Variants in TCF4 observed in about 807,000 individuals in gnomAD.
TCF4 encodes SL3-3 enhancer factor 2.
TCF4 carries 3 observed loss-of-function variants against 82.1 expected under a neutral mutation model. The observed-to-expected ratio is 0.04, with a 90% CI of 0.02 to 0.09. The LOEUF (loss-of-function observed/expected upper bound fraction) is 0.09, where lower values mean the gene tolerates loss of function less well. Ranked by LOEUF, TCF4 falls within the 10% of genes least tolerant of loss-of-function variation. TCF4 has a pLI of 1.00. For missense variants in TCF4, 518 were observed against 852.7 expected, an observed-to-expected ratio of 0.61 and a Z score of 4.89; for synonymous variants, 276 against 309.6, an observed-to-expected ratio of 0.89 and a Z score of 1.14.
In TCF4 at chr18:55,379,959, G is replaced by C. The variant is rs143044531; in HGVS notation, c.369+23495C>G. Among the ~76,000 whole-genome samples, 23 of 152,160 alleles carry C rather than the reference G, an allele frequency of 1.5e-4. 1 individual carries two copies. In the South Asian group the frequency reaches 4.8e-3, roughly 32 times the overall value. ...CATGATCATGGCTCACTGCAGCCTC[G>C]ACTTTCCGGGCTCAGCTGATCCTCT... On this transcript the variant is annotated intron_variant, in intron 6 of 19. Transcript: ENST00000354452.
At chr18:55,277,078 T>C (rs2061609559) in intron 9 of TCF4, among the ~76,000 whole-genome samples, 1 of 152,190 alleles carries the variant, frequency 6.6e-6, no homozygotes, top group Admixed American at 6.5e-5. Context: ...AGACAGTTTC[T>C]GAACATCTTT....
intron 3 of TCF4, among the ~76,000 whole-genome samples, chr18:55,546,180 A>AT: frequency 6.6e-6 from 1 of 152,168 alleles, no homozygotes; most frequent in East Asian, 1.9e-4. Context: ...CACAAAAAAA[A>AT]TTTTTTAAAT....
At chr18:55,445,748 G>T (rs1004684018) in intron 5 of TCF4, among the ~76,000 whole-genome samples, 4 of 152,120 alleles carry the variant, frequency 2.6e-5, no homozygotes, top group African/African-American at 9.7e-5. Context: ...TTCCTATTAC[G>T]TCTTCCAGCT....
chr18:55,572,473 T>C (rs763808038), intron 3 of TCF4, among the ~76,000 whole-genome samples: 1 of 152,104 alleles, frequency 6.6e-6, no homozygotes, highest in South Asian at 2.1e-4. Flanking sequence ...CCAAATGGAA[T>C]GTTAGCCAGG....
chr18:55,236,069 ATG>A (rs3040521), intron 15 of TCF4, among the ~76,000 whole-genome samples: 75,362 of 150,892 alleles, frequency 0.5, 19,019 homozygotes, highest in East Asian at 0.67. Context: ...TCATGTGTGC[ATG>A]TGTGTGTGTG....
At chr18:55,230,404 T>C (rs945886621) in intron 17 of TCF4, 2 of 152,186 alleles carry the variant, frequency 1.3e-5, no homozygotes, top group African/African-American at 2.4e-5. Context: ...AGGGCTGTCA[T>C]GTAAAAAAGA....
intron 6 of TCF4, among the ~76,000 whole-genome samples, chr18:55,399,836 T>G (rs1466707699): frequency 6.7e-6 from 1 of 149,780 alleles, no homozygotes; most frequent in Non-Finnish European, 1.5e-5. Context: ...TCTTTCTCTC[T>G]CTCTCTCTCT....
At chr18:55,332,140 T>C (rs1210782680) in intron 8 of TCF4, 1 of 152,198 alleles carries the variant, frequency 6.6e-6, no homozygotes, top group Non-Finnish European at 1.5e-5. Context: ...ACTTTGAACA[T>C]TCAATTATAA....
At chr18:55,249,570 T>A (rs556405563) in intron 15 of TCF4, among the ~76,000 whole-genome samples, 3 of 152,190 alleles carry the variant, frequency 2.0e-5, no homozygotes, top group Non-Finnish European at 4.4e-5. Context: ...CCCTGGTCTT[T>A]TAGAGGGCAT....
intron 8 of TCF4, chr18:55,321,961 G>GC: frequency 7.6e-7 from 1 of 1,324,368 alleles, no homozygotes; most frequent in Non-Finnish European, 9.6e-7. Flanking sequence ...AGGCAGCCCG[G>GC]CCCTGATGGA....
At chr18:55,435,398 C>A (rs1004104565) in intron 5 of TCF4, among the ~76,000 whole-genome samples, 1 of 152,220 alleles carries the variant, frequency 6.6e-6, no homozygotes, top group African/African-American at 2.4e-5. Context: ...ACTACACATA[C>A]TTCTGACCCA....
chr18:55,245,164 T>TA (rs1337033796), intron 15 of TCF4, among the ~76,000 whole-genome samples: 1 of 152,232 alleles, frequency 6.6e-6, no homozygotes, highest in Non-Finnish European at 1.5e-5. Flanking sequence ...TTCTCACTCC[T>TA]AAAGCTGCTT....
chr18:55,390,055 G>A (rs2092942848), intron 6 of TCF4, among the ~76,000 whole-genome samples: 1 of 152,056 alleles, frequency 6.6e-6, no homozygotes, highest in Non-Finnish European at 1.5e-5. Context: ...AATACCAAAG[G>A]TGAATTATCT....
chr18:55,625,449 G>T (rs1025338053), intron 2 of TCF4, among the ~76,000 whole-genome samples: 3 of 152,092 alleles, frequency 2.0e-5, no homozygotes, highest in Non-Finnish European at 2.9e-5. Context: ...ATATTGGCCA[G>T]GATGGTCTCG....
intron 3 of TCF4, among the ~76,000 whole-genome samples, chr18:55,532,683 C>G (rs905875474): frequency 6.6e-6 from 1 of 152,170 alleles, no homozygotes; most frequent in African/African-American, 2.4e-5. Flanking sequence ...GCCCTTCTAA[C>G]CCTAAAGTTC....
rs1303822696 is a variant in TCF4, at chr18:55,493,375, T to C, written c.146-29238A>G. ...AATCATTACAAATAATATCACTCTC[T>C]AGGGGTGTTTTACAATATTTAATGC... On this transcript the variant is annotated intron_variant, in intron 3 of 19. Transcript: ENST00000354452. Among the ~76,000 whole-genome samples, 3 of 152,164 alleles carry C rather than the reference T, an allele frequency of 2.0e-5. No homozygotes were observed. In the East Asian group the frequency reaches 5.8e-4, roughly 29 times the overall value.
chr18:55,504,980 C>G (rs995010216), intron 3 of TCF4, among the ~76,000 whole-genome samples: 1 of 152,254 alleles, frequency 6.6e-6, no homozygotes, highest in East Asian at 1.9e-4. Context: ...TGCCAAGATG[C>G]TGGAATAGTG....
intron 3 of TCF4, among the ~76,000 whole-genome samples, chr18:55,546,554 G>T (rs940423565): frequency 2.0e-5 from 3 of 152,026 alleles, no homozygotes; most frequent in Non-Finnish European, 4.4e-5. Flanking sequence ...CAGAAGCACC[G>T]AAGTTGTAGT....
chr18:55,569,185 T>C (rs780981904), intron 3 of TCF4, among the ~76,000 whole-genome samples: 22 of 150,310 alleles, frequency 1.5e-4, no homozygotes, highest in Admixed American at 2.0e-4. Context: ...AACAGTGTAC[T>C]TAAGGTCATA....
Sources: gnomAD v4.1 joint callset for allele counts (sites outside exome capture counted in the v4.1 genomes callset) on GRCh38, gnomAD v4.1.1 for gene constraint, MANE v1.5 for transcripts, NCBI Gene and HGNC (gene_info 2026-07-23, HGNC 2026-07-21) for gene names.